The following WWC1 variants were observed in gnomAD, a reference collection of about 807,000 sequenced individuals.
The protein encoded by WWC1 is WW and C2 domain containing 1.
In WWC1, 55 loss-of-function variants were observed where a neutral mutation model predicts 138.4. The observed-to-expected ratio is 0.40, with a 90% CI of 0.32 to 0.50. The LOEUF (loss-of-function observed/expected upper bound fraction) is 0.50. WWC1 is among the 20% of genes least tolerant of loss of function. The pLI is 0.72. For missense variants in WWC1, 1,226 were observed against 1,420.4 expected, an observed-to-expected ratio of 0.86 and a Z score of 2.20; for synonymous variants, 524 against 564.9, an observed-to-expected ratio of 0.93 and a Z score of 1.03.
chr5:168,467,793 TC>T, intron 21 of WWC1, 46 bp from the exon 22 acceptor site: 1 of 1,612,630 alleles, frequency 6.2e-7, no homozygotes, highest in Non-Finnish European at 8.5e-7. Context: ...CTTGCCCCTT[TC>T]TGGAGGCCCC....
chr5:168,405,788 A>G (rs1417198295), intron 5 of WWC1, among the ~76,000 whole-genome samples: 1 of 142,990 alleles, frequency 7.0e-6, no homozygotes, highest in Admixed American at 7.5e-5. Context: ...GTGCAGTGGC[A>G]TGATCTCAGC....
chr5:168,393,984 G>A (rs901776520), intron 3 of WWC1, among the ~76,000 whole-genome samples: 1 of 152,218 alleles, frequency 6.6e-6, no homozygotes, highest in East Asian at 1.9e-4. Context: ...CTAGCTGATT[G>A]CACCCTGAAT....
At chr5:168,456,578 T>C (rs1274000874) in intron 19 of WWC1, among the ~76,000 whole-genome samples, 1 of 151,830 alleles carries the variant, frequency 6.6e-6, no homozygotes, top group Non-Finnish European at 1.5e-5. Flanking sequence ...TGCAGTAAGC[T>C]GAGATCGTAC....
At chr5:168,330,542 A>G (rs1002152760) in intron 1 of WWC1, among the ~76,000 whole-genome samples, 4 of 152,122 alleles carry the variant, frequency 2.6e-5, no homozygotes, top group Non-Finnish European at 4.4e-5. Context: ...CCCTACTTCT[A>G]TGCACCCACC....
chr5:168,295,635 A>G (rs997071915), intron 1 of WWC1, among the ~76,000 whole-genome samples: 2 of 152,150 alleles, frequency 1.3e-5, no homozygotes, highest in Non-Finnish European at 1.5e-5. Context: ...CTTAGCCACC[A>G]AGGACAAAAT....
At chr5:168,339,649 G>A (rs1267383711) in intron 1 of WWC1, among the ~76,000 whole-genome samples, 1 of 152,114 alleles carries the variant, frequency 6.6e-6, no homozygotes, top group East Asian at 1.9e-4. Flanking sequence ...GTTGAAATAA[G>A]GTACTGTTTG....
chr5:168,431,875 GC>G (rs1781976210), intron 15 of WWC1, among the ~76,000 whole-genome samples: 1 of 152,054 alleles, frequency 6.6e-6, no homozygotes, highest in African/African-American at 2.4e-5. Flanking sequence ...TTCGAAAGCA[GC>G]CTGGGCAACA....
intron 21 of WWC1, among the ~76,000 whole-genome samples, chr5:168,465,970 G>A (rs576997516): frequency 2.2e-4 from 33 of 152,208 alleles, no homozygotes; most frequent in African/African-American, 7.7e-4. Context: ...AACTCCTAGG[G>A]GAGAGCTCGG....
At chr5:168,468,815 T>TA (rs1431594573) in intron 22 of WWC1, 136 bp from the exon 23 acceptor site, 8 of 817,004 alleles carry the variant, frequency 9.8e-6, no homozygotes, top group Non-Finnish European at 1.6e-5. Context: ...ATCTAGAGGG[T>TA]AAGAGGCCAA....
At chr5:168,432,896 T>C (rs941929726) in intron 15 of WWC1, among the ~76,000 whole-genome samples, 1 of 152,200 alleles carries the variant, frequency 6.6e-6, no homozygotes, top group South Asian at 2.1e-4. Context: ...GTAGAGCCTC[T>C]CACTGCCTTC....
chr5:168,432,023 C>T (rs1781987483), intron 15 of WWC1, among the ~76,000 whole-genome samples: 2 of 148,206 alleles, frequency 1.3e-5, no homozygotes, highest in African/African-American at 2.5e-5. Flanking sequence ...GCATTCTGGC[C>T]TGGGCAACAG....
intron 17 of WWC1, among the ~76,000 whole-genome samples, chr5:168,450,248 A>G (rs533852987): frequency 4.6e-5 from 7 of 152,240 alleles, no homozygotes; most frequent in Admixed American, 3.9e-4. Flanking sequence ...AATCCTTCCA[A>G]CCTTGGAGTC....
intron 1 of WWC1, among the ~76,000 whole-genome samples, chr5:168,336,314 T>A (rs1205578780): frequency 6.6e-6 from 1 of 152,102 alleles, no homozygotes; most frequent in Admixed American, 6.5e-5. Flanking sequence ...CTCACGCCTG[T>A]AATCCCAGCA....
At chr5:168,362,031 C>A (rs1775917777) in intron 1 of WWC1, among the ~76,000 whole-genome samples, 2 of 152,130 alleles carry the variant, frequency 1.3e-5, no homozygotes, top group African/African-American at 4.8e-5. Context: ...TGCAGTGAGC[C>A]TAGACCGTGC....
intron 2 of WWC1, among the ~76,000 whole-genome samples, chr5:168,371,969 A>G (rs943993878): frequency 6.6e-6 from 1 of 152,076 alleles, no homozygotes; most frequent in African/African-American, 2.4e-5. Flanking sequence ...GAGCAGCCAG[A>G]GCCCTAGCAG....
Position 168,469,284 on chromosome 5 carries a change from G to A in WWC1, c.*267G>A. 2 of 424,810 alleles carry A rather than the reference G, an allele frequency of 4.7e-6. No homozygotes were observed. The highest frequency in any genetic ancestry group is 4.3e-5 in the South Asian group (1 of 23,090). 26.3% of individuals were successfully genotyped at this position (424,810 alleles called of 1,614,324 possible). A position where few individuals can be genotyped will look rare whatever the true frequency, so the allele number is the denominator to read the frequency against. On this transcript the variant is annotated 3_prime_UTR_variant, in exon 23 of 23. Coordinates refer to ENST00000265293, the MANE Select transcript of WWC1 (RefSeq NM_015238.3). ...TTGTATAGTTTGTATATTTAGGAGT[G>A]TATTTTTGGGAAAGAAAATTTAAAT...
At chr5:168,403,006 TTTTCTTTCTTTC>T (rs72242963) in intron 5 of WWC1, among the ~76,000 whole-genome samples, 4,963 of 105,446 alleles carry the variant, frequency 0.047, 166 homozygotes, top group Middle Eastern at 0.069. Flanking sequence ...TGTTGTTTCT[TTTTCTTTCTTTC>T]TTTCTTTCTT....
intron 19 of WWC1, among the ~76,000 whole-genome samples, chr5:168,457,564 A>C (rs1482085554): frequency 6.6e-6 from 1 of 152,166 alleles, no homozygotes; most frequent in Non-Finnish European, 1.5e-5. Context: ...ATATGCAGGA[A>C]AATTTGGGGG....
intron 1 of WWC1, among the ~76,000 whole-genome samples, chr5:168,314,710 T>C (rs1258707504): frequency 6.6e-6 from 1 of 152,160 alleles, no homozygotes; most frequent in Non-Finnish European, 1.5e-5. Flanking sequence ...CCTGGAGCAG[T>C]CCTGGGAAGC....
Sources: gnomAD v4.1 joint callset for allele counts (sites outside exome capture counted in the v4.1 genomes callset) on GRCh38, gnomAD v4.1.1 for gene constraint, MANE v1.5 for transcripts, NCBI Gene and HGNC (gene_info 2026-07-23, HGNC 2026-07-21) for gene names.